MAP2K1: variants seen among roughly 807,000 people sequenced by gnomAD.
The protein encoded by MAP2K1 is dual specificity mitogen-activated protein kinase kinase 1.
MAP2K1 carries 16 observed loss-of-function variants against 46.3 expected under a neutral mutation model. That is an observed-to-expected ratio of 0.35 (90% CI 0.23 to 0.52). The LOEUF (loss-of-function observed/expected upper bound fraction) is 0.52. MAP2K1 is among the 20% of genes least tolerant of loss of function. MAP2K1 has a pLI of 0.94. For missense variants in MAP2K1, 263 were observed against 497.1 expected (o/e 0.53, Z 4.48); for synonymous variants, 183 against 185.6 (o/e 0.99, Z 0.11).
At chr15:66,388,469 A>G (rs1032111858) in intron 1 of MAP2K1, among the ~76,000 whole-genome samples, 2 of 152,216 alleles carry the variant, frequency 1.3e-5, no homozygotes, top group African/African-American at 4.8e-5. Flanking sequence ...CTAATTGATG[A>G]AATCAGAATA....
intron 5 of MAP2K1, among the ~76,000 whole-genome samples, chr15:66,475,780 C>A (rs1463501480): frequency 1.3e-5 from 2 of 152,100 alleles, no homozygotes; most frequent in Non-Finnish European, 2.9e-5. Context: ...TCATCTTTGC[C>A]CTTACACGTG....
At chr15:66,429,318 A>G (rs1393937444) in intron 1 of MAP2K1, among the ~76,000 whole-genome samples, 2 of 152,096 alleles carry the variant, frequency 1.3e-5, no homozygotes, top group Non-Finnish European at 2.9e-5. Flanking sequence ...CCAGACACTT[A>G]TAAAACCATC....
intron 5 of MAP2K1, among the ~76,000 whole-genome samples, chr15:66,481,513 C>T (rs573281642): frequency 3.3e-5 from 5 of 152,314 alleles, no homozygotes; most frequent in South Asian, 4.1e-4. Flanking sequence ...GAGTGGAAAT[C>T]GACTGTCTTT....
intron 5 of MAP2K1, among the ~76,000 whole-genome samples, chr15:66,476,393 C>T (rs1892755848): frequency 6.6e-6 from 1 of 152,114 alleles, no homozygotes; most frequent in Non-Finnish European, 1.5e-5. Flanking sequence ...GAGAGGAAGC[C>T]CAGTTAATCC....
In MAP2K1 at chr15:66,443,333, A is replaced by G. The variant is rs140822439; in HGVS notation, c.492A>G (p.Gln164=). The G allele has an allele frequency of 5.6e-6, 9 of 1,611,972 alleles. No individual in the cohort carries two copies. In the African/African-American group the frequency reaches 8.0e-5, roughly 14 times the overall value. The change falls in exon 4 of 11, where the codon CAA becomes CAG. Residue 164 remains glutamine (Q), a synonymous_variant. Coordinates refer to ENST00000307102, the MANE Select transcript of MAP2K1 (RefSeq NM_002755.4). ...AGAAAGCTGGAAGAATTCCTGAACA[A>G]ATTTTAGGAAAAGTTAGCATTGCTG... The part of the protein sequence containing the change: ...VLKKAGRIPE[Q]ILGKVSIAVI...
intron 5 of MAP2K1, among the ~76,000 whole-genome samples, chr15:66,467,973 C>G (rs936586179): frequency 3.9e-5 from 6 of 152,134 alleles, no homozygotes; most frequent in Non-Finnish European, 8.8e-5. Flanking sequence ...ATTTCTTGAT[C>G]AAAAAATGCA....
intron 3 of MAP2K1, among the ~76,000 whole-genome samples, chr15:66,439,426 G>A (rs2093497571): frequency 6.6e-6 from 1 of 152,190 alleles, no homozygotes; most frequent in South Asian, 2.1e-4. Flanking sequence ...GAGTTCAGGA[G>A]TTCAAGACCA....
chr15:66,458,551 C>G (rs1294465094), intron 5 of MAP2K1, among the ~76,000 whole-genome samples: 1 of 152,196 alleles, frequency 6.6e-6, no homozygotes, highest in Non-Finnish European at 1.5e-5. Flanking sequence ...CTCGCTCACT[C>G]TGTCGCCCAG....
At chr15:66,403,837 G>C (rs549774707) in intron 1 of MAP2K1, among the ~76,000 whole-genome samples, 1 of 152,296 alleles carries the variant, frequency 6.6e-6, no homozygotes, top group African/African-American at 2.4e-5. Context: ...CTCAGAGTCA[G>C]AATTATTTGC....
At chr15:66,453,950 T>C (rs971956954) in intron 5 of MAP2K1, among the ~76,000 whole-genome samples, 1 of 152,222 alleles carries the variant, frequency 6.6e-6, no homozygotes, top group Non-Finnish European at 1.5e-5. Context: ...AGGCATGAGC[T>C]GCTAGGCTTG....
intron 5 of MAP2K1, among the ~76,000 whole-genome samples, chr15:66,449,747 G>C (rs986991609): frequency 2.6e-5 from 4 of 152,102 alleles, no homozygotes; most frequent in African/African-American, 7.2e-5. Context: ...CGGGTGTGGT[G>C]GTGGGCGCCT....
chr15:66,418,831 A>G (rs1273117940), intron 1 of MAP2K1, among the ~76,000 whole-genome samples: 1 of 150,682 alleles, frequency 6.6e-6, no homozygotes. Flanking sequence ...TGTTTTTAGT[A>G]GAGAGAGGGT....
intron 6 of MAP2K1, among the ~76,000 whole-genome samples, chr15:66,484,568 C>T (rs1278864991): frequency 2.0e-5 from 3 of 152,168 alleles, no homozygotes; most frequent in Non-Finnish European, 4.4e-5. Flanking sequence ...TATGTATCCA[C>T]GGCACCACCT....
chr15:66,397,660 C>T (rs1413698441), intron 1 of MAP2K1, among the ~76,000 whole-genome samples: 1 of 152,130 alleles, frequency 6.6e-6, no homozygotes, highest in Admixed American at 6.5e-5. Flanking sequence ...CAAATCTAGC[C>T]CAAACCTACA....
chr15:66,388,727 C>T (rs1348653756), intron 1 of MAP2K1, among the ~76,000 whole-genome samples: 1 of 151,544 alleles, frequency 6.6e-6, no homozygotes, highest in Non-Finnish European at 1.5e-5. Context: ...CTTGTTCCAT[C>T]CCTGTAATGA....
intron 1 of MAP2K1, among the ~76,000 whole-genome samples, chr15:66,394,459 C>CT (rs34599278): frequency 0.022 from 2,751 of 125,460 alleles, 48 homozygotes; most frequent in Non-Finnish European, 0.03. Context: ...TAACCAGGAA[C>CT]TTTTTTTTTT....
At chr15:66,470,895 A>G (rs1452591484) in intron 5 of MAP2K1, among the ~76,000 whole-genome samples, 1 of 152,190 alleles carries the variant, frequency 6.6e-6, no homozygotes, top group Admixed American at 6.5e-5. Flanking sequence ...TTGGTTTTAT[A>G]CATTTTAGGG....
intron 5 of MAP2K1, among the ~76,000 whole-genome samples, chr15:66,463,483 T>A (rs940027590): frequency 7.6e-6 from 1 of 130,996 alleles, no homozygotes; most frequent in Admixed American, 8.3e-5. Flanking sequence ...GGGCAGGGGT[T>A]TTTTCATTAA....
At chr15:66,407,080 C>G (rs2093399240) in intron 1 of MAP2K1, among the ~76,000 whole-genome samples, 1 of 152,146 alleles carries the variant, frequency 6.6e-6, no homozygotes, top group South Asian at 2.1e-4. Flanking sequence ...TTCCAACTGC[C>G]CAACATCACG....
Sources: gnomAD v4.1 joint callset for allele counts (sites outside exome capture counted in the v4.1 genomes callset) on GRCh38, gnomAD v4.1.1 for gene constraint, MANE v1.5 for transcripts, NCBI Gene and HGNC (gene_info 2026-07-23, HGNC 2026-07-21) for gene names.